Variants in PHF14 observed in about 807,000 individuals in gnomAD.
PHF14 encodes the protein PHD finger protein 14.
PHF14 carries 55 observed loss-of-function variants against 117.9 expected under a neutral mutation model. That is an observed-to-expected ratio of 0.47 (90% CI 0.38 to 0.58). The LOEUF is 0.58. PHF14 is among the 20% of genes least tolerant of loss of function. The probability of loss-of-function intolerance (pLI) is 0.00; values close to 1 mark genes in which losing one functional copy is unlikely to be tolerated. For synonymous variants in PHF14, 409 were observed against 368.6 expected (o/e 1.11, Z -1.26); for missense variants, 978 against 1,122.2 (o/e 0.87, Z 1.84).
chr7:10,983,194 G>T, intron 3 of PHF14, 35 bp downstream of exon 3: 1 of 1,547,002 alleles, frequency 6.5e-7, no homozygotes, highest in South Asian at 1.2e-5. Context: ...TGTCTGTCTG[G>T]GGAAAAGGGA....
chr7:10,988,416 C>T (rs1782316769), intron 3 of PHF14, among the ~76,000 whole-genome samples: 1 of 152,030 alleles, frequency 6.6e-6, no homozygotes. Context: ...TATGGGTAAA[C>T]CTTTTTTCCA....
At chr7:11,071,840 C>T (rs1442596489) in intron 16 of PHF14, among the ~76,000 whole-genome samples, 2 of 152,148 alleles carry the variant, frequency 1.3e-5, no homozygotes, top group Non-Finnish European at 2.9e-5. Flanking sequence ...AAGTGACTCT[C>T]ATATGAAAAA....
intron 16 of PHF14, among the ~76,000 whole-genome samples, chr7:11,070,860 T>C (rs977660852): frequency 2.6e-5 from 4 of 152,256 alleles, no homozygotes; most frequent in African/African-American, 9.6e-5. Flanking sequence ...TATCTGTATA[T>C]TTTTGCAACT....
chr7:11,013,567 A>C (rs1783426855), intron 4 of PHF14, among the ~76,000 whole-genome samples, 180 bp from the exon 5 acceptor site: 1 of 152,156 alleles, frequency 6.6e-6, no homozygotes, highest in South Asian at 2.1e-4. Flanking sequence ...CATTGTGTAT[A>C]CTACATTAGG....
Position 10,990,830 on chromosome 7 carries a change from G to A in PHF14, c.1028G>A (p.Gly343Asp). Reference protein sequence around the residue: ...ADEIIQCDNCGITVHEGCYGV... With the variant: ...ADEIIQCDNCDITVHEGCYGV... ...GAAATAATTCAGTGTGACAATTGTGGCATTACAGTCCATGAAGGTAATGTT... is the reference window on the plus strand; with the variant it reads ...GAAATAATTCAGTGTGACAATTGTGACATTACAGTCCATGAAGGTAATGTT... The change falls in exon 4 of 18, where the codon GGC (glycine) becomes GAC (aspartate). Residue 343 changes from glycine (G) to aspartate (D), a missense_variant. Coordinates refer to ENST00000634607, the MANE Select transcript of PHF14 (RefSeq NM_001007157.2). 1.9e-6 allele frequency: 3 copies of A among 1,588,388 alleles called. No homozygotes were observed. Among genetic ancestry groups the A allele is most frequent in the Non-Finnish European group, 2.6e-6 (3 of 1,165,770 alleles).
At chr7:11,138,956 A>G (rs1562482950) in intron 17 of PHF14, among the ~76,000 whole-genome samples, 1 of 152,142 alleles carries the variant, frequency 6.6e-6, no homozygotes, top group African/African-American at 2.4e-5. Context: ...TCTAAAACAA[A>G]TATTTTCTTT....
chr7:11,118,818 C>T lies in PHF14; in HGVS notation c.2772+7351C>T, dbSNP rs916722032. On this transcript the variant is annotated intron_variant, in intron 17 of 17. Coordinates refer to ENST00000634607, the MANE Select transcript of PHF14 (RefSeq NM_001007157.2). ...TGGGAATCAGATAATATATATTAAA[C>T]GTATATACTTCAGTAAATTATTCCT... Among the ~76,000 whole-genome samples the T allele has an allele frequency of 9.2e-5, 14 of 151,676 alleles. No homozygotes were observed. The East Asian group carries it at 1.7e-3, about 19-fold the overall frequency.
rs560386850 is a variant in PHF14, at chr7:11,057,721, C to G, written c.2482-4070C>G. Among the ~76,000 whole-genome samples the G allele has an allele frequency of 3.5e-4, 54 of 152,210 alleles. No individual in the cohort carries two copies. The Middle Eastern group carries it at 0.01, about 29-fold the overall frequency. On this transcript the variant is annotated intron_variant, in intron 14 of 17. Coordinates refer to ENST00000634607, the MANE Select transcript of PHF14 (RefSeq NM_001007157.2). ...CCTGCTAGATAAGATAATTTTACAC[C>G]TTTTCAGTTTAAATACATTGTCTCT... is the stretch of plus-strand genomic sequence containing the variant.
intron 10 of PHF14, among the ~76,000 whole-genome samples, chr7:11,038,442 A>G (rs1488024572): frequency 6.6e-6 from 1 of 151,036 alleles, no homozygotes; most frequent in Non-Finnish European, 1.5e-5. Flanking sequence ...AAAAAAAAAA[A>G]AAAAAAATAG....
At chr7:11,063,575 G>T (rs1396339741) in intron 16 of PHF14, 1 of 966,548 alleles carries the variant, frequency 1.0e-6, no homozygotes, top group Non-Finnish European at 1.2e-6. Flanking sequence ...ACCTGTATGA[G>T]TATCTACTGT....
At chr7:11,122,504 T>C (rs1704975295) in intron 17 of PHF14, among the ~76,000 whole-genome samples, 1 of 149,098 alleles carries the variant, frequency 6.7e-6, no homozygotes, top group African/African-American at 2.5e-5. Context: ...ATATAAATTC[T>C]TCAGAACCCT....
At chr7:11,033,598 C>A (rs3779409) in intron 7 of PHF14, among the ~76,000 whole-genome samples, 2 of 152,136 alleles carry the variant, frequency 1.3e-5, no homozygotes, top group African/African-American at 4.8e-5. Context: ...GGGTCTAGTA[C>A]TAATGGGAAG....
intron 4 of PHF14, among the ~76,000 whole-genome samples, chr7:10,991,850 G>A (rs1425017696): frequency 3.6e-5 from 5 of 139,572 alleles, no homozygotes; most frequent in Admixed American, 7.4e-5. Flanking sequence ...TGCCTGCCTC[G>A]GCCTCTCAAA....
At chr7:11,005,095 T>G (rs1783033415) in intron 4 of PHF14, among the ~76,000 whole-genome samples, 1 of 152,068 alleles carries the variant, frequency 6.6e-6, no homozygotes. Flanking sequence ...CTCTTAATTT[T>G]AAAGGTTTTT....
intron 17 of PHF14, among the ~76,000 whole-genome samples, chr7:11,122,331 T>TTATATATATATATA (rs146463909): frequency 1.7e-3 from 139 of 83,914 alleles, no homozygotes; most frequent in African/African-American, 7.4e-3. Flanking sequence ...TTTGTACTTT[T>TTATATATATATATA]TATATATATA....
At chr7:11,043,222 T>G (rs1013847983) in intron 13 of PHF14, among the ~76,000 whole-genome samples, 2 of 152,072 alleles carry the variant, frequency 1.3e-5, no homozygotes, top group African/African-American at 4.8e-5. Flanking sequence ...TATTTGGTAT[T>G]TGTGCTAGTC....
At chr7:10,994,120 C>T (rs1236241876) in intron 4 of PHF14, among the ~76,000 whole-genome samples, 1 of 151,600 alleles carries the variant, frequency 6.6e-6, no homozygotes, top group Non-Finnish European at 1.5e-5. Flanking sequence ...TGGGAACGAG[C>T]ACTGCAAGTG....
At chr7:11,063,757 C>T (rs1785321753) in intron 16 of PHF14, 1 of 787,058 alleles carries the variant, frequency 1.3e-6, no homozygotes, top group Admixed American at 6.3e-5. Context: ...TCCAACCCAT[C>T]ATATTTTAGT....
chr7:11,107,661 A>G, intron 16 of PHF14: 1 of 659,352 alleles, frequency 1.5e-6, no homozygotes, highest in Non-Finnish European at 1.9e-6. Flanking sequence ...TTGCCTTCCT[A>G]TTTAATAATG....
Sources: allele counts gnomAD v4.1 joint callset (sites outside exome capture counted in the v4.1 genomes callset), GRCh38; gene constraint gnomAD v4.1.1; transcripts MANE v1.5; gene names NCBI Gene and HGNC (gene_info 2026-07-23, HGNC 2026-07-21).